Variants in MTMR3 observed in about 807,000 individuals in gnomAD.
The protein encoded by MTMR3 is myotubularin related protein 3, also known as phosphatidylinositol-3,5-bisphosphate 3-phosphatase MTMR3.
Under a neutral mutation model 132.4 loss-of-function variants are expected in MTMR3, and 32 were observed. The observed-to-expected ratio is 0.24, with a 90% CI of 0.18 to 0.32. The LOEUF is 0.32. Among genes scored for constraint, MTMR3 ranks in the 10% least tolerant of loss-of-function variants. MTMR3 has a pLI of 1.00. For missense variants in MTMR3, 1,216 were observed against 1,489.6 expected, an observed-to-expected ratio of 0.82 and a Z score of 3.02; for synonymous variants, 556 against 550.3, an observed-to-expected ratio of 1.01 and a Z score of -0.14.
At chr22:29,891,990 A>G (rs1276921271) in intron 1 of MTMR3, among the ~76,000 whole-genome samples, 1 of 151,968 alleles carries the variant, frequency 6.6e-6, no homozygotes, top group East Asian at 2.0e-4. Flanking sequence ...CGCCTCTACT[A>G]AAAATACAAA....
At chr22:29,935,932 T>G (rs1392061705) in intron 1 of MTMR3, among the ~76,000 whole-genome samples, 1 of 152,036 alleles carries the variant, frequency 6.6e-6, no homozygotes, top group African/African-American at 2.4e-5. Flanking sequence ...TTTAGTATTT[T>G]TAGTAGAGAC....
rs755293908 is a variant in MTMR3, at chr22:30,020,721, C to T, written c.3062C>T (p.Ser1021Leu). ...AGCCACCTGGACGATGATGGCATGT[C>T]AGTGTACACAGACACGATCCAACAG... ...SRSHLDDDGM[S>L]VYTDTIQQRL... Residue 1021 changes from serine (S) to leucine (L), a missense_variant, in exon 17 of 20, where the codon TCA becomes TTA. Ser to Leu is a moderately radical substitution (Grantham distance 145, BLOSUM62 -2). Transcript: ENST00000401950. 1 of 1,614,224 alleles carries T rather than the reference C, an allele frequency of 6.2e-7. No individual in the cohort carries two copies. The highest frequency in any genetic ancestry group is 8.5e-7 in the Non-Finnish European group (1 of 1,180,044).
At chr22:29,996,015 G>T (rs565436828) in intron 7 of MTMR3, 3 of 152,320 alleles carry the variant, frequency 2.0e-5, no homozygotes, top group South Asian at 4.1e-4. Flanking sequence ...AATGTATGTT[G>T]TATTAGCTGG....
chr22:29,965,542 A>T (rs1213023134), intron 2 of MTMR3, among the ~76,000 whole-genome samples: 1 of 152,124 alleles, frequency 6.6e-6, no homozygotes, highest in Non-Finnish European at 1.5e-5. Context: ...AAAATTAGCC[A>T]GGCATGGTGG....
At chr22:29,956,092 T>TTG (rs1196680068) in intron 1 of MTMR3, among the ~76,000 whole-genome samples, 1 of 152,150 alleles carries the variant, frequency 6.6e-6, no homozygotes, top group East Asian at 1.9e-4. Flanking sequence ...CTGAGCAATC[T>TTG]TGTTCATTTA....
chr22:29,968,092 C>A lies in MTMR3; in HGVS notation c.-84-2884C>A, dbSNP rs535591181. On this transcript the variant is annotated intron_variant, in intron 2 of 19. Coordinates refer to ENST00000401950, the MANE Select transcript of MTMR3 (RefSeq NM_021090.4). ...TTTATGTGGACATACCTTGTCAGTT[C>A]TCTTAGGTATATACCCAGGAGTGGA... Among the ~76,000 whole-genome samples, 434 of 152,236 alleles carry A rather than the reference C, an allele frequency of 2.9e-3. 1 individual carries two copies. The highest frequency in any genetic ancestry group is 9.7e-3 in the African/African-American group (401 of 41,546).
chr22:29,929,142 G>A (rs36587), intron 1 of MTMR3, among the ~76,000 whole-genome samples: 2 of 151,822 alleles, frequency 1.3e-5, no homozygotes, highest in Admixed American at 6.6e-5. Flanking sequence ...TTAGCTGGGC[G>A]GGGTGGCGTG....
intron 2 of MTMR3, among the ~76,000 whole-genome samples, chr22:29,964,751 A>G (rs1425425449): frequency 2.0e-5 from 3 of 152,012 alleles, no homozygotes; most frequent in Non-Finnish European, 4.4e-5. Context: ...CTTTTAATCC[A>G]TTCACCCCAC....
intron 10 of MTMR3, 129 bp downstream of exon 10, chr22:30,007,448 GGATT>G: frequency 2.2e-6 from 2 of 926,958 alleles, no homozygotes; most frequent in Non-Finnish European, 3.3e-6. Context: ...TCACTTGATG[GGATT>G]GATTGAGGAG....
chr22:30,008,212 A>G, intron 11 of MTMR3, 180 bp downstream of exon 11: 1 of 734,848 alleles, frequency 1.4e-6, no homozygotes, highest in Non-Finnish European at 2.1e-6. Context: ...CTGAGGAGAA[A>G]TGGAGGAGGA....
At chr22:29,938,325 C>T (rs2032879884) in intron 1 of MTMR3, among the ~76,000 whole-genome samples, 1 of 152,204 alleles carries the variant, frequency 6.6e-6, no homozygotes, top group Admixed American at 6.5e-5. Flanking sequence ...ACCCACACCC[C>T]CCTTTCTTGA....
Position 29,965,898 on chromosome 22 carries a change from G to A in MTMR3, c.-84-5078G>A, listed in dbSNP as rs187189184. Among the ~76,000 whole-genome samples, 48 of 150,906 alleles carry A rather than the reference G, an allele frequency of 3.2e-4. 1 individual carries two copies. Among genetic ancestry groups the A allele is most frequent in the Admixed American group, 3.1e-3 (47 of 15,224 alleles). On this transcript the variant is annotated intron_variant, in intron 2 of 19. Transcript: ENST00000401950. ...TGAAAAAAATCTGAAAGACGTAACA[G>A]TGCATATTGATAGGCTTACTGTATA... is the stretch of plus-strand genomic sequence containing the variant.
At chr22:29,986,939 C>T (rs1198070888) in intron 5 of MTMR3, 1 of 152,178 alleles carries the variant, frequency 6.6e-6, no homozygotes, top group Non-Finnish European at 1.5e-5. Flanking sequence ...TGGGGTTTCT[C>T]CATGTTGGTC....
chr22:29,967,448 C>T lies in MTMR3; in HGVS notation c.-84-3528C>T, dbSNP rs76610162. On this transcript the variant is annotated intron_variant, in intron 2 of 19. Transcript: ENST00000401950. The stretch of plus-strand genomic sequence containing the variant: ...AGTCTTGCTATGTTGCCCAGGCTGG[C>T]GTTGAACTCTGGGGCTCAAGCTGTC... 0.026 allele frequency among the ~76,000 whole-genome samples: 3,900 copies of T among 150,618 alleles called. 502 individuals are homozygous for T. In the East Asian group the frequency reaches 0.42, roughly 16 times the overall value.
intron 5 of MTMR3, chr22:29,981,051 C>T (rs1771283217): frequency 6.6e-6 from 1 of 152,258 alleles, no homozygotes; most frequent in Admixed American, 6.5e-5. Context: ...CAGGTGATAA[C>T]TTCTCCTGTG....
intron 2 of MTMR3, among the ~76,000 whole-genome samples, chr22:29,965,396 C>T (rs5763649): frequency 0.35 from 53,565 of 151,958 alleles, 10,441 homozygotes; most frequent in East Asian, 0.72. Flanking sequence ...TATTTCTGTA[C>T]TCATTAAAAA....
In MTMR3 at chr22:30,025,912, C is replaced by A; in HGVS notation, c.*111C>A. On this transcript the variant is annotated 3_prime_UTR_variant, in exon 20 of 20. Coordinates refer to ENST00000401950, the MANE Select transcript of MTMR3 (RefSeq NM_021090.4). ...CTTTGGAATGGGAGCGTGGAACCAC[C>A]TGTACAGAGTGACAGATTTGGGATG... 8.8e-7 allele frequency: 1 copy of A among 1,133,460 alleles called. No homozygotes were observed. Among genetic ancestry groups the A allele is most frequent in the Non-Finnish European group, 1.3e-6 (1 of 773,360 alleles). 70.2% of individuals were successfully genotyped at this position (1,133,460 alleles called of 1,614,324 possible).
chr22:29,963,010 C>T (rs1045177444), intron 2 of MTMR3, among the ~76,000 whole-genome samples: 1 of 151,320 alleles, frequency 6.6e-6, no homozygotes, highest in African/African-American at 2.4e-5. Flanking sequence ...GCCACTGCAT[C>T]CTGGGCTCAA....
At chr22:29,985,130 C>A (rs2066831094) in intron 5 of MTMR3, 1 of 151,958 alleles carries the variant, frequency 6.6e-6, no homozygotes, top group South Asian at 2.1e-4. Context: ...GTGTAGTGGG[C>A]CTTAAGAAAA....
Sources: gnomAD v4.1 joint callset for allele counts (sites outside exome capture counted in the v4.1 genomes callset) on GRCh38, gnomAD v4.1.1 for gene constraint, MANE v1.5 for transcripts, NCBI Gene and HGNC (gene_info 2026-07-23, HGNC 2026-07-21) for gene names.